The following GRB14 variants were observed in gnomAD, a reference collection of about 807,000 sequenced individuals.
GRB14 encodes growth factor receptor bound protein 14.
A neutral mutation model predicts 69.1 loss-of-function variants in GRB14; 38 were observed. The ratio of observed to expected loss-of-function variants is 0.55; its 90% CI spans 0.42 to 0.72. The LOEUF is 0.72. GRB14 is among the 30% of genes least tolerant of loss of function. GRB14 has a pLI of 0.00. For missense variants in GRB14, 666 were observed against 666.1 expected (o/e 1.00, Z 0.00); for synonymous variants, 247 against 241.3 (o/e 1.02, Z -0.22).
intron 9 of GRB14, among the ~76,000 whole-genome samples, chr2:164,500,113 T>C (rs1687011145): frequency 6.6e-6 from 1 of 152,100 alleles, no homozygotes; most frequent in African/African-American, 2.4e-5. Flanking sequence ...TAAAAAGAGC[T>C]TGAGTAGACT....
chr2:164,589,174 C>G (rs1311989851), intron 2 of GRB14, among the ~76,000 whole-genome samples: 2 of 152,160 alleles, frequency 1.3e-5, no homozygotes, highest in Non-Finnish European at 2.9e-5. Flanking sequence ...GTATTCAACT[C>G]TTATGGATAA....
At chr2:164,527,403 T>C (rs1035491233) in intron 3 of GRB14, among the ~76,000 whole-genome samples, 2 of 151,630 alleles carry the variant, frequency 1.3e-5, no homozygotes, top group African/African-American at 2.4e-5. Flanking sequence ...TAAAATATCA[T>C]AATGTACTTT....
At chr2:164,583,673 CA>C (rs35307314) in intron 2 of GRB14, among the ~76,000 whole-genome samples, 1 of 151,544 alleles carries the variant, frequency 6.6e-6, no homozygotes, top group African/African-American at 2.4e-5. Flanking sequence ...CTTGATTAGT[CA>C]AAAAAAGGCA....
chr2:164,495,193 C>T (rs991571647), intron 12 of GRB14, among the ~76,000 whole-genome samples: 4 of 152,056 alleles, frequency 2.6e-5, no homozygotes, highest in Non-Finnish European at 5.9e-5. Context: ...CCGCCTGCCT[C>T]GGCCTCCCAT....
chr2:164,492,885 G>A lies in GRB14; in HGVS notation c.*151C>T. The A allele has an allele frequency of 1.2e-5, 7 of 584,882 alleles. No homozygotes were observed. The allele number at this position is 584,882 out of a possible 1,614,324, so 36.2% of individuals were successfully genotyped here. A position where few individuals can be genotyped will look rare whatever the true frequency, so the allele number is the denominator to read the frequency against. On this transcript the variant is annotated 3_prime_UTR_variant, in exon 14 of 14. Coordinates refer to ENST00000263915, the MANE Select transcript of GRB14 (RefSeq NM_004490.3). ...GAATGTAAAGTCAATCCAAGTCTTT[G>A]CTTATTTGCAATGCACAAACTATTT...
chr2:164,570,091 C>T (rs571211728), intron 2 of GRB14, among the ~76,000 whole-genome samples: 1 of 151,848 alleles, frequency 6.6e-6, no homozygotes, highest in African/African-American at 2.4e-5. Context: ...CTGGCTAACA[C>T]TGTGAAACCC....
In GRB14 at chr2:164,492,567, A is replaced by G. The variant is rs1475928690; in HGVS notation, c.*469T>C. Among the ~76,000 whole-genome samples the G allele has an allele frequency of 6.6e-6, 1 of 151,768 alleles. No homozygotes were observed. Among genetic ancestry groups the G allele is most frequent in the Admixed American group, 6.6e-5 (1 of 15,200 alleles). On this transcript the variant is annotated 3_prime_UTR_variant, in exon 14 of 14. Transcript: ENST00000263915. ...AAATATATAATTCAAAATAGTTTTT[A>G]GTTTCATTAACAGGTTGTGGATAGT...
At chr2:164,523,091 A>G (rs995685369) in intron 5 of GRB14, among the ~76,000 whole-genome samples, 1 of 152,064 alleles carries the variant, frequency 6.6e-6, no homozygotes, top group African/African-American at 2.4e-5. Context: ...GGGGAGAGAG[A>G]CAGAGACACC....
intron 12 of GRB14, 149 bp downstream of exon 12, chr2:164,496,859 T>C (rs901537794): frequency 1.6e-6 from 1 of 637,710 alleles, no homozygotes; most frequent in Non-Finnish European, 2.8e-6. Flanking sequence ...ACTGTTAGAA[T>C]ACAGTGATGA....
At chr2:164,532,171 A>G (rs903412960) in intron 3 of GRB14, among the ~76,000 whole-genome samples, 11 of 152,228 alleles carry the variant, frequency 7.2e-5, no homozygotes, top group Admixed American at 1.3e-4. Flanking sequence ...TCAACTGAAC[A>G]CATTTCAAAC....
rs370411715 is a variant in GRB14 at position 164,521,103 on chromosome 2, C to G, written c.816+877G>C. 5.9e-5 allele frequency among the ~76,000 whole-genome samples: 9 copies of G among 152,136 alleles called. No individual in the cohort carries two copies. In the East Asian group the frequency reaches 1.2e-3, roughly 20 times the overall value. On this transcript the variant is annotated intron_variant, in intron 6 of 13. Transcript: ENST00000263915. ...CACAATTGCAAAAATATGGAACCAG[C>G]GCAAATCCCCATCAATCAACGAGTG...
At chr2:164,528,609 T>C (rs563546153) in intron 3 of GRB14, among the ~76,000 whole-genome samples, 13 of 152,268 alleles carry the variant, frequency 8.5e-5, no homozygotes, top group African/African-American at 2.9e-4. Flanking sequence ...CTTGGGGTTC[T>C]ATTCCTAACT....
chr2:164,492,900 A>C lies in GRB14; in HGVS notation c.*136T>G. ...CCAAGTCTTTGCTTATTTGCAATGCACAAACTATTTTTTTGTAACTTGCAG... is the reference window on the plus strand; with the variant it reads ...CCAAGTCTTTGCTTATTTGCAATGCCCAAACTATTTTTTTGTAACTTGCAG... On this transcript the variant is annotated 3_prime_UTR_variant, in exon 14 of 14. Coordinates refer to ENST00000263915, the MANE Select transcript of GRB14 (RefSeq NM_004490.3). 1.4e-6 allele frequency: 1 copy of C among 718,202 alleles called. No individual in the cohort carries two copies. The allele number at this position is 718,202 out of a possible 1,614,324, so 44.5% of individuals were successfully genotyped here.
rs577893945 is a variant in GRB14, at chr2:164,503,017, T to C, written c.1024-682A>G. 6.8e-4 allele frequency among the ~76,000 whole-genome samples: 103 copies of C among 152,106 alleles called. 1 individual carries two copies. The highest frequency in any genetic ancestry group is 2.5e-3 in the African/African-American group (102 of 41,506). Reference sequence around the variant, plus strand: ...GGAGGCAGCATCATATGGATTGAGCTGGCAGGACAGAATTGGAAAACCGGT... The same window carrying C: ...GGAGGCAGCATCATATGGATTGAGCCGGCAGGACAGAATTGGAAAACCGGT... On this transcript the variant is annotated intron_variant, in intron 8 of 13. Coordinates refer to ENST00000263915, the MANE Select transcript of GRB14 (RefSeq NM_004490.3).
At chr2:164,532,061 C>T (rs1574278454) in intron 3 of GRB14, among the ~76,000 whole-genome samples, 1 of 152,226 alleles carries the variant, frequency 6.6e-6, no homozygotes, top group Middle Eastern at 3.4e-3. Flanking sequence ...GGAGTTTCTA[C>T]AACATGAAGA....
chr2:164,598,934 A>G (rs1689850623), intron 2 of GRB14, among the ~76,000 whole-genome samples: 1 of 151,860 alleles, frequency 6.6e-6, no homozygotes, highest in Non-Finnish European at 1.5e-5. Context: ...AGTGTCTTAA[A>G]ACAATAACGC....
chr2:164,496,543 AAAAT>A (rs1365993844), intron 12 of GRB14, among the ~76,000 whole-genome samples: 1 of 152,182 alleles, frequency 6.6e-6, no homozygotes, highest in Non-Finnish European at 1.5e-5. Context: ...AACACACAAA[AAAAT>A]AAGTGTTCAA....
At chr2:164,496,321 C>A (rs1390930786) in intron 12 of GRB14, among the ~76,000 whole-genome samples, 1 of 152,016 alleles carries the variant, frequency 6.6e-6, no homozygotes. Flanking sequence ...GGAATTCAGC[C>A]AGTATTATAG....
At chr2:164,496,209 T>G (rs760495185) in intron 12 of GRB14, among the ~76,000 whole-genome samples, 6 of 152,332 alleles carry the variant, frequency 3.9e-5, no homozygotes, top group South Asian at 4.1e-4. Context: ...AGCCAACTTT[T>G]GAAGATAAAA....
Sources: gnomAD v4.1 joint callset for allele counts (sites outside exome capture counted in the v4.1 genomes callset) on GRCh38, gnomAD v4.1.1 for gene constraint, MANE v1.5 for transcripts, NCBI Gene and HGNC (gene_info 2026-07-23, HGNC 2026-07-21) for gene names.